Variants in CDH23 observed in about 807,000 individuals in gnomAD.
CDH23 encodes cadherin-23.
A neutral mutation model predicts 317.1 loss-of-function variants in CDH23; 189 were observed. That is an observed-to-expected ratio of 0.60 (90% CI 0.53 to 0.67). The LOEUF (loss-of-function observed/expected upper bound fraction) is 0.67, where lower values mean the gene tolerates loss of function less well. Ranked by LOEUF, CDH23 falls within the 30% of genes least tolerant of loss-of-function variation. The pLI is 0.00. For missense variants in CDH23, 4,401 were observed against 4,592.4 expected, an observed-to-expected ratio of 0.96 and a Z score of 1.20; for synonymous variants, 1,839 against 1,876.8, an observed-to-expected ratio of 0.98 and a Z score of 0.52.
intron 36 of CDH23, among the ~76,000 whole-genome samples, chr10:71,740,346 C>G (rs1019084525): frequency 3.1e-4 from 47 of 152,340 alleles, no homozygotes; most frequent in African/African-American, 1.1e-3. Flanking sequence ...GGAACAGGCT[C>G]AGCCATAGGG....
rs151165888 is a variant in CDH23, at chr10:71,472,301, C to G, written c.145+25906C>G. Among the ~76,000 whole-genome samples, 4 of 152,318 alleles carry G rather than the reference C, an allele frequency of 2.6e-5. No homozygotes were observed. The East Asian group carries it at 5.8e-4, about 22-fold the overall frequency. The stretch of plus-strand genomic sequence containing the variant: ...TAGCTCCAAAGTTTGTGTCTCTTGG[C>G]TCCTGTTAACACCACCTCCTCCCTT... On this transcript the variant is annotated intron_variant, in intron 3 of 69. Transcript: ENST00000224721.
Position 71,677,698 on chromosome 10 carries a change from G to A in CDH23, c.1752+5G>A. 1 of 1,552,738 alleles carries A rather than the reference G, an allele frequency of 6.4e-7. No homozygotes were observed. The highest frequency in any genetic ancestry group is 2.4e-5 in the East Asian group (1 of 41,140). Reference sequence around the variant, plus strand: ...ACACAGCTGGTGCGGCTCCGGGTAAGGTGCCAGGGAGCCCTGCACTCCTGC... The same window carrying A: ...ACACAGCTGGTGCGGCTCCGGGTAAAGTGCCAGGGAGCCCTGCACTCCTGC... On this transcript the variant is annotated splice_donor_5th_base_variant and intron_variant, in intron 16 of 69. Coordinates refer to ENST00000224721, the MANE Select transcript of CDH23 (RefSeq NM_022124.6).
intron 1 of CDH23, among the ~76,000 whole-genome samples, chr10:71,400,478 A>T (rs1847730448): frequency 6.6e-6 from 1 of 152,078 alleles, no homozygotes; most frequent in East Asian, 1.9e-4. Context: ...ACATTCAGAC[A>T]TCGATTTGAA....
intron 3 of CDH23, among the ~76,000 whole-genome samples, chr10:71,496,510 G>A (rs990784397): frequency 6.6e-6 from 1 of 152,166 alleles, no homozygotes; most frequent in Non-Finnish European, 1.5e-5. Flanking sequence ...ATCACCTGGC[G>A]ATTTAGAACT....
chr10:71,643,341 T>G (rs1564705230), intron 11 of CDH23, among the ~76,000 whole-genome samples: 1 of 152,198 alleles, frequency 6.6e-6, no homozygotes. Flanking sequence ...CCCCTTACAC[T>G]TTTTAACTTC....
chr10:71,788,676 C>T (rs544643736), intron 44 of CDH23, among the ~76,000 whole-genome samples: 30 of 151,936 alleles, frequency 2.0e-4, no homozygotes, highest in Non-Finnish European at 4.1e-4. Flanking sequence ...AGGATGGTCT[C>T]GATCTCCTGA....
chr10:71,409,084 A>G (rs1268706510), intron 1 of CDH23, among the ~76,000 whole-genome samples: 1 of 152,228 alleles, frequency 6.6e-6, no homozygotes, highest in African/African-American at 2.4e-5. Context: ...TCTCTGGAAC[A>G]GACGTGTGAT....
chr10:71,617,607 G>A (rs372593671), intron 11 of CDH23: 4 of 1,240,124 alleles, frequency 3.2e-6, no homozygotes, highest in Non-Finnish European at 4.3e-6. Context: ...GTAAGCACAT[G>A]TTTCCATATG....
At chr10:71,671,482 C>T (rs1239752861) in intron 14 of CDH23, among the ~76,000 whole-genome samples, 2 of 152,204 alleles carry the variant, frequency 1.3e-5, no homozygotes, top group Non-Finnish European at 2.9e-5. Flanking sequence ...TCCTCGAACC[C>T]TCCTTCCTAA....
intron 40 of CDH23, among the ~76,000 whole-genome samples, chr10:71,778,926 G>A (rs12252601): frequency 0.011 from 1,626 of 152,090 alleles, 32 homozygotes; most frequent in African/African-American, 0.038. Context: ...CCCAGCTAAT[G>A]TATTACTCTT....
intron 51 of CDH23, 95 bp downstream of exon 51, chr10:71,799,375 C>G (rs1022443903): frequency 1.2e-6 from 2 of 1,604,542 alleles, no homozygotes; most frequent in Non-Finnish European, 1.7e-6. Flanking sequence ...CCTCTAAGCC[C>G]CCTGGGAGTG....
chr10:71,815,315 A>G lies in CDH23; in HGVS notation c.*37A>G. ...AGCCTTGTGGGTGTGAGCAGCACCC[A>G]TCCACCGTCCCCTCCCAGGGAGCAA... On this transcript the variant is annotated 3_prime_UTR_variant, in exon 70 of 70. Transcript: ENST00000224721. 2 of 1,505,580 alleles carry G rather than the reference A, an allele frequency of 1.3e-6. No homozygotes were observed. The highest frequency in any genetic ancestry group is 1.8e-6 in the Non-Finnish European group (2 of 1,120,812). 93.3% of individuals were successfully genotyped at this position (1,505,580 alleles called of 1,614,324 possible). A position where few individuals can be genotyped will look rare whatever the true frequency, so the allele number is the denominator to read the frequency against.
At chr10:71,470,768 G>A (rs1256387321) in intron 3 of CDH23, among the ~76,000 whole-genome samples, 1 of 152,106 alleles carries the variant, frequency 6.6e-6, no homozygotes, top group Non-Finnish European at 1.5e-5. Flanking sequence ...TGGGATTACA[G>A]GCATGAGCCA....
intron 6 of CDH23, among the ~76,000 whole-genome samples, chr10:71,528,113 A>G (rs1199056810): frequency 3.9e-5 from 6 of 152,202 alleles, no homozygotes; most frequent in African/African-American, 1.4e-4. Flanking sequence ...CCAAGAGTCT[A>G]TCTCTCCAGG....
In CDH23 at chr10:71,785,742, A is replaced by G; in HGVS notation, c.5820+4A>G. 6.4e-7 allele frequency: 1 copy of G among 1,568,220 alleles called. No individual in the cohort carries two copies. The highest frequency in any genetic ancestry group is 8.7e-7 in the Non-Finnish European group (1 of 1,145,474). On this transcript the variant is annotated splice_donor_region_variant and intron_variant, in intron 44 of 69. Coordinates refer to ENST00000224721, the MANE Select transcript of CDH23 (RefSeq NM_022124.6). ...GAATCCACGCATAGCCAGGAGGGTG[A>G]GACTGGAGGGCACTGGTGGGAGTGG...
At chr10:71,694,429 C>T (rs1865299788) in intron 21 of CDH23, among the ~76,000 whole-genome samples, 170 bp downstream of exon 21, 1 of 152,088 alleles carries the variant, frequency 6.6e-6, no homozygotes, top group Non-Finnish European at 1.5e-5. Flanking sequence ...GGGGCCACCA[C>T]AGCTGTGGGG....
intron 9 of CDH23, among the ~76,000 whole-genome samples, chr10:71,584,528 C>T (rs1294750211): frequency 8.3e-6 from 1 of 120,228 alleles, no homozygotes; most frequent in Non-Finnish European, 1.9e-5. Flanking sequence ...ACACTGATTG[C>T]TTTGAAGGGA....
At chr10:71,761,734 G>A (rs752248832) in intron 38 of CDH23, 1 of 1,614,118 alleles carries the variant, frequency 6.2e-7, no homozygotes, top group South Asian at 1.1e-5. Context: ...AGTTGCCATG[G>A]TGGTCGGAGG....
At chr10:71,793,903 A>C (rs185269750) in intron 48 of CDH23, among the ~76,000 whole-genome samples, 42 of 152,218 alleles carry the variant, frequency 2.8e-4, no homozygotes, top group African/African-American at 9.1e-4. Flanking sequence ...GAGAGCACCT[A>C]TCTCACCACA....
Sources: allele counts gnomAD v4.1 joint callset (sites outside exome capture counted in the v4.1 genomes callset), GRCh38; gene constraint gnomAD v4.1.1; transcripts MANE v1.5; gene names NCBI Gene and HGNC (gene_info 2026-07-23, HGNC 2026-07-21).